ASL: variants seen among roughly 807,000 people sequenced by gnomAD.
ASL encodes the protein argininosuccinate lyase.
ASL carries 51 observed loss-of-function variants against 69.1 expected under a neutral mutation model. That is an observed-to-expected ratio of 0.74 (90% CI 0.59 to 0.93). ASL has a LOEUF of 0.93. Among genes scored for constraint, ASL ranks in the 40% least tolerant of loss-of-function variants. ASL has a pLI of 0.00. For synonymous variants in ASL, 241 were observed against 247.6 expected (o/e 0.97, Z 0.25); for missense variants, 540 against 623.9 (o/e 0.87, Z 1.43).
chr7:66,083,401 G>A, intron 6 of ASL: 2 of 486,696 alleles, frequency 4.1e-6, no homozygotes, highest in Non-Finnish European at 7.5e-6. Flanking sequence ...AACCCTTCGT[G>A]GGGCTGGGTG....
intron 9 of ASL, 81 bp from the exon 10 acceptor site, chr7:66,087,648 A>G: frequency 6.7e-7 from 1 of 1,482,848 alleles, no homozygotes; most frequent in South Asian, 1.1e-5. Flanking sequence ...TGATCAGGGG[A>G]GGGGGCTGGG....
rs368624250 is a variant in ASL, at chr7:66,089,346, G to A, written c.978+11G>A. On this transcript the variant is annotated intron_variant, in intron 13 of 16. Transcript: ENST00000304874. ...AACAAAGACTTACAGGTGCGAGGCCGGGGGAGGCCTGGCTAGTACGTGCCA... is the reference window on the plus strand; with the variant it reads ...AACAAAGACTTACAGGTGCGAGGCCAGGGGAGGCCTGGCTAGTACGTGCCA... The A allele has an allele frequency of 1.4e-5, 22 of 1,597,234 alleles. No homozygotes were observed. Among genetic ancestry groups the A allele is most frequent in the Admixed American group, 3.5e-5 (2 of 57,876 alleles).
In ASL at chr7:66,082,943, T is replaced by TA; in HGVS notation, c.348+8dup. On this transcript the variant is annotated splice_region_variant and intron_variant, in intron 5 of 16. Transcript: ENST00000304874. ...ACGGAGCCGGAATGACCAGGTGCTT[T>TA]AGCCCCTCCACCCCCTGCTCCGTGT... is the stretch of plus-strand genomic sequence containing the variant. 1 of 1,613,600 alleles carries TA rather than the reference T, an allele frequency of 6.2e-7. No individual in the cohort carries two copies. The highest frequency in any genetic ancestry group is 8.5e-7 in the Non-Finnish European group (1 of 1,179,950).
At chr7:66,080,196 G>A (rs1786460161) in intron 2 of ASL, among the ~76,000 whole-genome samples, 1 of 151,506 alleles carries the variant, frequency 6.6e-6, no homozygotes, top group Non-Finnish European at 1.5e-5. Context: ...TGGCTAACAA[G>A]GTGAAACCAC....
chr7:66,090,468 C>A (rs958633506), intron 14 of ASL, among the ~76,000 whole-genome samples: 2 of 151,994 alleles, frequency 1.3e-5, no homozygotes, highest in Admixed American at 6.6e-5. Flanking sequence ...GAGACAGGGT[C>A]TCCCTATGTT....
At position 66,092,668 on chromosome 7, in the gene ASL, G is replaced by A. The variant is rs781201245; in HGVS notation, c.1250+5G>A. On this transcript the variant is annotated splice_donor_5th_base_variant and intron_variant, in intron 16 of 16. Transcript: ENST00000304874. Reference sequence around the variant, plus strand: ...GCAGGAGCTGCAGACCATCAGGTACGGCCCATCCCCTTCCCCATGCTGCCT... The same window carrying A: ...GCAGGAGCTGCAGACCATCAGGTACAGCCCATCCCCTTCCCCATGCTGCCT... 7 of 1,613,686 alleles carry A rather than the reference G, an allele frequency of 4.3e-6. No homozygotes were observed. Among genetic ancestry groups the A allele is most frequent in the South Asian group, 3.3e-5 (3 of 91,076 alleles).
Position 66,081,972 on chromosome 7 carries a change from A to T in ASL, c.182A>T (p.Asp61Val). Residue 61 changes from aspartate (D) to valine (V), a missense_variant, in exon 3 of 17, where the codon GAC becomes GTC. Physicochemically the swap from Asp to Val is radical, Grantham distance 152. Transcript: ENST00000304874. ...KAGLLTKAEM[D>V]QILHGLDKVA... ...GGGCTCCTCACCAAGGCCGAGATGGACCAGATACTCCATGGCCTAGACAAG... is the reference window on the plus strand; with the variant it reads ...GGGCTCCTCACCAAGGCCGAGATGGTCCAGATACTCCATGGCCTAGACAAG... 1.2e-6 allele frequency: 2 copies of T among 1,611,804 alleles called. No individual in the cohort carries two copies. The highest frequency in any genetic ancestry group is 1.7e-6 in the Non-Finnish European group (2 of 1,179,220).
Position 66,093,156 on chromosome 7 carries a change from A to G in ASL, c.*244A>G, listed in dbSNP as rs1385163310. 6.7e-6 allele frequency: 4 copies of G among 601,272 alleles called. No individual in the cohort carries two copies. The highest frequency in any genetic ancestry group is 1.2e-5 in the Non-Finnish European group (4 of 342,840). 37.2% of individuals were successfully genotyped at this position (601,272 alleles called of 1,614,324 possible). On this transcript the variant is annotated 3_prime_UTR_variant, in exon 17 of 17. Transcript: ENST00000304874. ...ACAGGGAGACCCCCATCTCTACTCAATAATAAAACAAATAGCCTGGCGTGG... is the reference window on the plus strand; with the variant it reads ...ACAGGGAGACCCCCATCTCTACTCAGTAATAAAACAAATAGCCTGGCGTGG...
intron 6 of ASL, among the ~76,000 whole-genome samples, chr7:66,083,930 G>A (rs1786586026): frequency 6.6e-6 from 1 of 152,094 alleles, no homozygotes; most frequent in Admixed American, 6.6e-5. Flanking sequence ...GTGTCTTTGG[G>A]ACTGGATTTG....
intron 6 of ASL, 63 bp downstream of exon 6, chr7:66,083,237 C>A: frequency 6.4e-7 from 1 of 1,567,252 alleles, no homozygotes; most frequent in Non-Finnish European, 8.7e-7. Flanking sequence ...AACAGGAGAC[C>A]TAGGGGGCAG....
In ASL at chr7:66,089,807, G is replaced by A. The variant is rs551407404; in HGVS notation, c.1062+112G>A. 1.6e-5 allele frequency: 18 copies of A among 1,161,192 alleles called. No homozygotes were observed. The South Asian group carries it at 2.1e-4, about 13-fold the overall frequency. The allele number at this position is 1,161,192 out of a possible 1,614,324, so 71.9% of individuals were successfully genotyped here. On this transcript the variant is annotated intron_variant, in intron 14 of 16. Transcript: ENST00000304874. ...GGTGGGGCTGGAGGACCTGGGGCAG[G>A]GAAGGAGAGGTGTGCTCGCTCCTGC... is the stretch of plus-strand genomic sequence containing the variant.
At chr7:66,086,852 G>A (rs1422453944) in intron 8 of ASL, 31 bp downstream of exon 8, 1 of 1,552,520 alleles carries the variant, frequency 6.4e-7, no homozygotes. Flanking sequence ...CCGAGGGCCT[G>A]GTGGGGGTGG....
chr7:66,080,529 C>G (rs1786474265), intron 2 of ASL, among the ~76,000 whole-genome samples: 4 of 151,780 alleles, frequency 2.6e-5, no homozygotes, highest in Non-Finnish European at 1.5e-5. Context: ...TCGAGACCAG[C>G]CTGACCAACA....
chr7:66,088,219 G>A (rs979356573), intron 10 of ASL, among the ~76,000 whole-genome samples: 10 of 151,826 alleles, frequency 6.6e-5, no homozygotes, highest in African/African-American at 2.2e-4. Context: ...GGTGGCTCAC[G>A]CCCGTAATCC....
rs756178138 is a variant in ASL, at chr7:66,092,781, G to T, written c.1264G>T (p.Gly422Cys). The part of the protein sequence containing the change: ...ELQTISPLFS[G>C]DVICVWDYGH... ...CTCTCTCCCCAGCCCCCTGTTCTCGGGCGACGTGATCTGCGTGTGGGACTA... is the reference window on the plus strand; with the variant it reads ...CTCTCTCCCCAGCCCCCTGTTCTCGTGCGACGTGATCTGCGTGTGGGACTA... Residue 422 changes from glycine (G) to cysteine (C), a missense_variant, in exon 17 of 17, where the codon GGC (glycine) becomes TGC (cysteine). Gly to Cys is a radical substitution (Grantham distance 159, BLOSUM62 -3). Transcript: ENST00000304874. The T allele has an allele frequency of 6.2e-7, 1 of 1,613,876 alleles. No individual in the cohort carries two copies.
At chr7:66,088,945 A>G (rs1417161079) in intron 11 of ASL, 24 bp downstream of exon 11, 1 of 1,610,846 alleles carries the variant, frequency 6.2e-7, no homozygotes, top group South Asian at 1.1e-5. Context: ...TGCCACCTCC[A>G]TCTGCCGCTG....
At chr7:66,080,683 C>T (rs1786479955) in intron 2 of ASL, among the ~76,000 whole-genome samples, 2 of 152,166 alleles carry the variant, frequency 1.3e-5, no homozygotes, top group Non-Finnish European at 2.9e-5. Flanking sequence ...GAGATCACGC[C>T]ACTGCACTCC....
Position 66,076,108 on chromosome 7 carries a change from G to C in ASL, c.12+15G>C. The C allele has an allele frequency of 6.3e-7, 1 of 1,592,162 alleles. No individual in the cohort carries two copies. The highest frequency in any genetic ancestry group is 8.5e-7 in the Non-Finnish European group (1 of 1,169,998). Reference sequence around the variant, plus strand: ...TGGCCTCGGAGGTGAGTGGGACCTCGGGGACTCCGGTCCTCCTAGCCTCCA... The same window carrying C: ...TGGCCTCGGAGGTGAGTGGGACCTCCGGGACTCCGGTCCTCCTAGCCTCCA... On this transcript the variant is annotated intron_variant, in intron 2 of 16. Coordinates refer to ENST00000304874, the MANE Select transcript of ASL (RefSeq NM_000048.4).
chr7:66,077,765 A>C (rs916780207), intron 2 of ASL, among the ~76,000 whole-genome samples: 14 of 152,048 alleles, frequency 9.2e-5, no homozygotes, highest in African/African-American at 2.9e-4. Context: ...CCAAAACCAA[A>C]ACTGGTATTT....
Sources: gnomAD v4.1 joint callset for allele counts (sites outside exome capture counted in the v4.1 genomes callset) on GRCh38, gnomAD v4.1.1 for gene constraint, MANE v1.5 for transcripts, NCBI Gene and HGNC (gene_info 2026-07-23, HGNC 2026-07-21) for gene names.